Variants in PDE4B observed in about 807,000 individuals in gnomAD.
The protein encoded by PDE4B is 3',5'-cyclic-AMP phosphodiesterase 4B.
A neutral mutation model predicts 82.2 loss-of-function variants in PDE4B; 20 were observed. That is an observed-to-expected ratio of 0.24 (90% confidence interval 0.17 to 0.35). The LOEUF is 0.35. Ranked by LOEUF, PDE4B falls within the 10% of genes least tolerant of loss-of-function variation. The pLI is 1.00. For missense variants in PDE4B, 655 were observed against 907.2 expected, an observed-to-expected ratio of 0.72 and a Z score of 3.57; for synonymous variants, 320 against 318.9, an observed-to-expected ratio of 1.00 and a Z score of -0.04.
At chr1:65,941,986 C>T (rs1648470473) in intron 3 of PDE4B, among the ~76,000 whole-genome samples, 1 of 152,084 alleles carries the variant, frequency 6.6e-6, no homozygotes, top group African/African-American at 2.4e-5. Context: ...ATTCATTCTA[C>T]CCATACCCAA....
At chr1:66,110,878 A>G (rs1001630722) in intron 3 of PDE4B, among the ~76,000 whole-genome samples, 1 of 152,042 alleles carries the variant, frequency 6.6e-6, no homozygotes, top group Non-Finnish European at 1.5e-5. Flanking sequence ...TGTCTGGCCT[A>G]TCTTATTAGG....
At chr1:66,084,281 C>A (rs991510747) in intron 3 of PDE4B, among the ~76,000 whole-genome samples, 9 of 152,056 alleles carry the variant, frequency 5.9e-5, no homozygotes, top group African/African-American at 1.7e-4. Context: ...AAAACAGGAG[C>A]CTTCTCTCTT....
chr1:66,275,526 G>A (rs982013850), intron 7 of PDE4B, among the ~76,000 whole-genome samples: 2 of 152,116 alleles, frequency 1.3e-5, no homozygotes, highest in Non-Finnish European at 1.5e-5. Flanking sequence ...TGGAAGGGAG[G>A]GAGATAAAAA....
chr1:66,272,894 G>T (rs1171800257), intron 7 of PDE4B, among the ~76,000 whole-genome samples: 1 of 145,700 alleles, frequency 6.9e-6, no homozygotes, highest in African/African-American at 2.6e-5. Flanking sequence ...GGGTTCAAGC[G>T]ATTTTCCTGC....
chr1:66,201,111 T>C (rs970557596), intron 3 of PDE4B, among the ~76,000 whole-genome samples: 1 of 152,184 alleles, frequency 6.6e-6, no homozygotes, highest in African/African-American at 2.4e-5. Flanking sequence ...AATCATGTGG[T>C]TTTTGTCTTT....
intron 3 of PDE4B, among the ~76,000 whole-genome samples, chr1:66,017,347 A>G (rs1241225137): frequency 1.3e-5 from 2 of 152,212 alleles, no homozygotes; most frequent in African/African-American, 4.8e-5. Context: ...GACCTAGCCT[A>G]TAATTTGTTC....
intron 6 of PDE4B, among the ~76,000 whole-genome samples, chr1:66,261,330 A>T (rs1037854272): frequency 1.3e-5 from 2 of 152,180 alleles, no homozygotes; most frequent in African/African-American, 4.8e-5. Context: ...TGGATACAAC[A>T]TACAGAAAGC....
chr1:66,106,332 T>C (rs1029636344), intron 3 of PDE4B, among the ~76,000 whole-genome samples: 9 of 151,932 alleles, frequency 5.9e-5, no homozygotes, highest in Middle Eastern at 3.4e-3. Context: ...CTGCTGGATT[T>C]GGTTTGCCAG....
chr1:65,927,884 A>C (rs887484657), intron 3 of PDE4B, among the ~76,000 whole-genome samples: 1 of 152,040 alleles, frequency 6.6e-6, no homozygotes, highest in Non-Finnish European at 1.5e-5. Context: ...TGCACTGGGG[A>C]AATGACCACA....
intron 3 of PDE4B, among the ~76,000 whole-genome samples, chr1:66,204,014 G>A (rs1275414015): frequency 1.3e-5 from 2 of 152,212 alleles, no homozygotes; most frequent in Non-Finnish European, 2.9e-5. Context: ...GTGACGTACA[G>A]ATGGGTTTTT....
At chr1:66,130,667 A>G (rs1570306906) in intron 3 of PDE4B, among the ~76,000 whole-genome samples, 4 of 152,276 alleles carry the variant, frequency 2.6e-5, no homozygotes, top group Admixed American at 2.6e-4. Flanking sequence ...CCCATGACTG[A>G]TTTATGTAGG....
At chr1:66,326,126 C>T (rs751666037) in intron 7 of PDE4B, among the ~76,000 whole-genome samples, 3 of 152,070 alleles carry the variant, frequency 2.0e-5, no homozygotes, top group Non-Finnish European at 4.4e-5. Flanking sequence ...CTGTTGATAC[C>T]CATTGTTATA....
intron 7 of PDE4B, chr1:66,332,228 C>A: frequency 6.9e-7 from 1 of 1,444,994 alleles, no homozygotes; most frequent in Non-Finnish European, 9.0e-7. Context: ...GAGACCGTTC[C>A]CTCCGCCTTC....
At chr1:65,957,234 A>G (rs985071096) in intron 3 of PDE4B, among the ~76,000 whole-genome samples, 1 of 151,738 alleles carries the variant, frequency 6.6e-6, no homozygotes, top group Non-Finnish European at 1.5e-5. Context: ...TTTATTTTAT[A>G]TGGTCAATGC....
At chr1:66,012,618 T>G (rs1569972453) in intron 3 of PDE4B, among the ~76,000 whole-genome samples, 1 of 152,200 alleles carries the variant, frequency 6.6e-6, no homozygotes, top group Non-Finnish European at 1.5e-5. Flanking sequence ...ATGAGGAAAC[T>G]TAGCAGTCGT....
intron 7 of PDE4B, among the ~76,000 whole-genome samples, chr1:66,273,317 G>T (rs945160216): frequency 6.6e-6 from 1 of 152,158 alleles, no homozygotes; most frequent in Non-Finnish European, 1.5e-5. Flanking sequence ...CTACCTGGTT[G>T]CCTTTTCTCC....
chr1:66,345,197 G>A (rs373945967), intron 8 of PDE4B, among the ~76,000 whole-genome samples: 1 of 152,054 alleles, frequency 6.6e-6, no homozygotes, highest in African/African-American at 2.4e-5. Context: ...ATCAAATCTT[G>A]TTCTCTTTGC....
intron 1 of PDE4B, among the ~76,000 whole-genome samples, chr1:65,896,396 C>T (rs1257670473): frequency 1.3e-5 from 2 of 152,146 alleles, no homozygotes; most frequent in Non-Finnish European, 2.9e-5. Flanking sequence ...TTGCCTCCCA[C>T]TGTGTCCCTC....
intron 1 of PDE4B, among the ~76,000 whole-genome samples, chr1:65,825,883 T>TCTACCAGAA (rs1646011842): frequency 2.0e-5 from 3 of 152,142 alleles, no homozygotes; most frequent in Non-Finnish European, 4.4e-5. Context: ...CTTCCTTATA[T>TCTACCAGAA]GCTACATCCT....
Sources: gnomAD v4.1 joint callset for allele counts (sites outside exome capture counted in the v4.1 genomes callset) on GRCh38, gnomAD v4.1.1 for gene constraint, MANE v1.5 for transcripts, NCBI Gene and HGNC (gene_info 2026-07-23, HGNC 2026-07-21) for gene names.